GALNT13: variants seen among roughly 807,000 people sequenced by gnomAD.
The protein encoded by GALNT13 is UDP-GalNAc:polypeptide N-acetylgalactosaminyltransferase 13.
Under a neutral mutation model 64.2 loss-of-function variants are expected in GALNT13, and 28 were observed. The ratio of observed to expected loss-of-function variants is 0.44; its 90% confidence interval spans 0.32 to 0.60. The LOEUF is 0.60. GALNT13 is among the 20% of genes least tolerant of loss of function. The pLI, the probability that GALNT13 is intolerant of heterozygous loss-of-function variation, is 0.05. For missense variants in GALNT13, 577 were observed against 669.8 expected, an observed-to-expected ratio of 0.86 and a Z score of 1.53; for synonymous variants, 214 against 224.6, an observed-to-expected ratio of 0.95 and a Z score of 0.42.
chr2:154,115,464 A>G (rs1485020945), intron 3 of GALNT13, among the ~76,000 whole-genome samples: 1 of 151,920 alleles, frequency 6.6e-6, no homozygotes, highest in African/African-American at 2.4e-5. Flanking sequence ...TCTGACACCC[A>G]GGCTAGAGTG....
the GALNT13 span, among the ~76,000 whole-genome samples, chr2:153,258,108 A>C: frequency 6.6e-6 from 1 of 152,236 alleles, no homozygotes; most frequent in African/African-American, 2.4e-5. Flanking sequence ...AAAGTCTTAG[A>C]GATTCCTTAT....
the GALNT13 span, among the ~76,000 whole-genome samples, chr2:153,390,884 GTAAATAAGAAAATTTTATAACATA>G: frequency 6.6e-6 from 1 of 152,142 alleles, no homozygotes; most frequent in African/African-American, 2.4e-5. Context: ...GATAAATACA[GTAAATAAGAAAATTTTATAACATA>G]TTCAATGGTG....
intron 10 of GALNT13, among the ~76,000 whole-genome samples, chr2:154,401,207 A>G (rs1336826152): frequency 6.6e-6 from 1 of 152,138 alleles, no homozygotes; most frequent in Non-Finnish European, 1.5e-5. Context: ...AAATTTACAT[A>G]ATGGAAAATA....
chr2:153,332,991 A>G, the GALNT13 span, among the ~76,000 whole-genome samples: 1 of 152,154 alleles, frequency 6.6e-6, no homozygotes, highest in Non-Finnish European at 1.5e-5. Flanking sequence ...GGCTTGTAAT[A>G]GGGAAGAGCA....
chr2:153,458,920 G>A, the GALNT13 span, among the ~76,000 whole-genome samples: 1 of 151,962 alleles, frequency 6.6e-6, no homozygotes, highest in African/African-American at 2.4e-5. Context: ...GCCTTTACTT[G>A]TTCTTTCTCT....
At chr2:154,373,961 G>A (rs986651055) in intron 9 of GALNT13, among the ~76,000 whole-genome samples, 7 of 152,250 alleles carry the variant, frequency 4.6e-5, no homozygotes, top group Middle Eastern at 3.4e-3. Flanking sequence ...GGCTAAAGTT[G>A]TGTTCAAAAT....
At chr2:153,491,074 T>A in the GALNT13 span, among the ~76,000 whole-genome samples, 4 of 152,144 alleles carry the variant, frequency 2.6e-5, no homozygotes, top group Non-Finnish European at 4.4e-5. Flanking sequence ...GACTTAATAC[T>A]ATAAATCTAT....
the GALNT13 span, among the ~76,000 whole-genome samples, chr2:153,716,983 G>A: frequency 6.6e-6 from 1 of 151,900 alleles, no homozygotes; most frequent in Non-Finnish European, 1.5e-5. Context: ...ATGTTAGTTT[G>A]CCTGCCTGTC....
the GALNT13 span, among the ~76,000 whole-genome samples, chr2:153,156,442 C>T: frequency 1.3e-5 from 2 of 152,056 alleles, no homozygotes; most frequent in African/African-American, 4.8e-5. Flanking sequence ...TTGATTACAT[C>T]TTCCTGGGGG....
rs368577048 is a variant in GALNT13 at position 153,923,939 on chromosome 2, A to G, written c.-104-20455A>G. On this transcript the variant is annotated intron_variant, in intron 2 of 12. Coordinates refer to ENST00000392825, the MANE Select transcript of GALNT13 (RefSeq NM_052917.4). Reference sequence around the variant, plus strand: ...CCACATTTTCTTAATCCAGCCTATCATTGATGGACATTTGGGTTGGTTCCA... The same window carrying G: ...CCACATTTTCTTAATCCAGCCTATCGTTGATGGACATTTGGGTTGGTTCCA... 3.4e-4 allele frequency among the ~76,000 whole-genome samples: 52 copies of G among 152,162 alleles called. No homozygotes were observed. The East Asian group carries it at 9.5e-3, about 28-fold the overall frequency.
the GALNT13 span, among the ~76,000 whole-genome samples, chr2:153,856,546 C>T: frequency 5.3e-5 from 8 of 152,022 alleles, no homozygotes; most frequent in African/African-American, 1.7e-4. Flanking sequence ...TCTCACCACT[C>T]GTCAGGAAAA....
chr2:153,210,652 A>T, the GALNT13 span, among the ~76,000 whole-genome samples: 1 of 152,176 alleles, frequency 6.6e-6, no homozygotes, highest in Admixed American at 6.5e-5. Flanking sequence ...TGGTATTTGG[A>T]TAATGCTGGC....
chr2:153,707,104 C>T, the GALNT13 span, among the ~76,000 whole-genome samples: 1 of 152,150 alleles, frequency 6.6e-6, no homozygotes, highest in Non-Finnish European at 1.5e-5. Flanking sequence ...TGACTTGCTC[C>T]TCCTTGCCTT....
intron 9 of GALNT13, among the ~76,000 whole-genome samples, chr2:154,320,129 A>G (rs975735224): frequency 2.0e-5 from 3 of 152,088 alleles, no homozygotes; most frequent in African/African-American, 7.2e-5. Flanking sequence ...AAGGGTAGCT[A>G]TTTACCAAGA....
chr2:153,155,238 T>G, the GALNT13 span, among the ~76,000 whole-genome samples: 1 of 152,316 alleles, frequency 6.6e-6, no homozygotes, highest in South Asian at 2.1e-4. Context: ...GCTGGCCTCA[T>G]AGAATGTGTT....
intron 3 of GALNT13, among the ~76,000 whole-genome samples, chr2:154,092,075 GAAAAAAAAAAAA>G (rs58406719): frequency 1.0e-3 from 77 of 74,522 alleles, no homozygotes; most frequent in Middle Eastern, 0.013. Context: ...TTCATGTCTG[GAAAAAAAAAAAA>G]AAAAAAAAAA....
chr2:153,822,650 T>C, the GALNT13 span, among the ~76,000 whole-genome samples: 1 of 150,884 alleles, frequency 6.6e-6, no homozygotes, highest in Non-Finnish European at 1.5e-5. Context: ...GCTGGAAGCA[T>C]TCCCCTTAAG....
At chr2:153,774,606 C>T in the GALNT13 span, among the ~76,000 whole-genome samples, 4 of 151,952 alleles carry the variant, frequency 2.6e-5, no homozygotes, top group Non-Finnish European at 5.9e-5. Context: ...TAGTCAAGAA[C>T]AAAGATAGAC....
chr2:153,994,858 T>C (rs1318495180), intron 3 of GALNT13, among the ~76,000 whole-genome samples: 1 of 152,022 alleles, frequency 6.6e-6, no homozygotes, highest in Admixed American at 6.6e-5. Context: ...TTTTCTCCCA[T>C]TCTGTAGGTT....
Sources: allele counts gnomAD v4.1 joint callset (sites outside exome capture counted in the v4.1 genomes callset), GRCh38; gene constraint gnomAD v4.1.1; transcripts MANE v1.5; gene names NCBI Gene and HGNC (gene_info 2026-07-23, HGNC 2026-07-21).